RALY: variants seen among roughly 807,000 people sequenced by gnomAD.
The protein encoded by RALY is RALY heterogeneous nuclear ribonucleoprotein.
RALY carries 15 observed loss-of-function variants against 30.7 expected under a neutral mutation model. That is an observed-to-expected ratio of 0.49 (90% CI 0.33 to 0.75). The LOEUF is 0.75. Among genes scored for constraint, RALY ranks in the 30% least tolerant of loss-of-function variants. The pLI, the probability that RALY is intolerant of heterozygous loss-of-function variation, is 0.02. For missense variants in RALY, 339 were observed against 414.3 expected, an observed-to-expected ratio of 0.82 and a Z score of 1.58; for synonymous variants, 177 against 170.8, an observed-to-expected ratio of 1.04 and a Z score of -0.28.
At chr20:34,040,744 A>G (rs2032668870) in intron 2 of RALY, among the ~76,000 whole-genome samples, 1 of 152,230 alleles carries the variant, frequency 6.6e-6, no homozygotes, top group South Asian at 2.1e-4. Flanking sequence ...TAATAGCTCC[A>G]AAGGGGAAAG....
intron 1 of RALY, among the ~76,000 whole-genome samples, chr20:34,014,628 C>T (rs185025726): frequency 6.6e-6 from 1 of 152,186 alleles, no homozygotes; most frequent in East Asian, 1.9e-4. Context: ...TTTTAAAAAG[C>T]AGTCTGATTC....
intron 2 of RALY, among the ~76,000 whole-genome samples, chr20:34,055,692 C>T (rs2033221069): frequency 1.3e-5 from 2 of 152,158 alleles, no homozygotes; most frequent in Admixed American, 1.3e-4. Context: ...GACCCCACTG[C>T]CCAACGGCTC....
Position 34,060,326 on chromosome 20 carries a change from A to T in RALY, c.-9-11740A>T, listed in dbSNP as rs368399875. 7.2e-5 allele frequency among the ~76,000 whole-genome samples: 11 copies of T among 152,366 alleles called. No individual in the cohort carries two copies. The East Asian group carries it at 1.7e-3, about 24-fold the overall frequency. ...GAAACTTTCTGAGTGCCAACATCAC[A>T]TTCAAAGGAAACGCTCATTGGAGCA... On this transcript the variant is annotated intron_variant, in intron 2 of 9. Coordinates refer to ENST00000246194, the MANE Select transcript of RALY (RefSeq NM_016732.3).
intron 2 of RALY, among the ~76,000 whole-genome samples, chr20:34,038,916 A>AT (rs2032598074): frequency 6.6e-6 from 1 of 152,206 alleles, no homozygotes; most frequent in South Asian, 2.1e-4. Flanking sequence ...TGAGTGTCAG[A>AT]TTGAAGTAGG....
chr20:34,003,838 A>T (rs1039596044), intron 1 of RALY, among the ~76,000 whole-genome samples: 1 of 151,716 alleles, frequency 6.6e-6, no homozygotes, highest in South Asian at 2.1e-4. Context: ...ACAGGGTTTC[A>T]CCGTTTTAGC....
chr20:34,063,609 G>A (rs1424309837), intron 2 of RALY, among the ~76,000 whole-genome samples: 1 of 152,010 alleles, frequency 6.6e-6, no homozygotes, highest in Non-Finnish European at 1.5e-5. Context: ...TTCCCTTTTT[G>A]TTCTCCCTCA....
chr20:34,054,091 A>G (rs1032823030), intron 2 of RALY, among the ~76,000 whole-genome samples: 3 of 152,218 alleles, frequency 2.0e-5, no homozygotes, highest in East Asian at 1.9e-4. Context: ...ATCTCCTTCT[A>G]TTCTGCTGAT....
At chr20:34,046,924 A>C (rs918127622) in intron 2 of RALY, among the ~76,000 whole-genome samples, 1 of 149,658 alleles carries the variant, frequency 6.7e-6, no homozygotes, top group Non-Finnish European at 1.5e-5. Context: ...GGTTGAAGCA[A>C]TTCTCCTGCC....
At chr20:34,047,602 C>T (rs1384276198) in intron 2 of RALY, among the ~76,000 whole-genome samples, 2 of 152,182 alleles carry the variant, frequency 1.3e-5, no homozygotes, top group African/African-American at 4.8e-5. Context: ...CTTTAGTCTT[C>T]GGAGTCGCAC....
At chr20:34,036,139 TA>T (rs200691795) in intron 2 of RALY, among the ~76,000 whole-genome samples, 309 of 144,342 alleles carry the variant, frequency 2.1e-3, no homozygotes, top group East Asian at 0.012. Context: ...TGACATCCAT[TA>T]AAAAAAAAAA....
At chr20:34,030,064 A>G (rs906862746) in intron 1 of RALY, 1 of 152,326 alleles carries the variant, frequency 6.6e-6, no homozygotes, top group African/African-American at 2.4e-5. Flanking sequence ...CCTGGACTGC[A>G]AGTATATGGA....
chr20:34,024,451 G>T (rs113431859), intron 1 of RALY, among the ~76,000 whole-genome samples: 2 of 152,346 alleles, frequency 1.3e-5, no homozygotes, highest in African/African-American at 4.8e-5. Context: ...GAGAAATGCT[G>T]TTAGCTGCCC....
chr20:34,037,491 T>C (rs2032540446), intron 2 of RALY, among the ~76,000 whole-genome samples: 1 of 152,210 alleles, frequency 6.6e-6, no homozygotes, highest in African/African-American at 2.4e-5. Context: ...ACTGAAATTC[T>C]AAGCAGAGAT....
At chr20:34,020,996 C>T (rs1416479354) in intron 1 of RALY, among the ~76,000 whole-genome samples, 1 of 151,766 alleles carries the variant, frequency 6.6e-6, no homozygotes, top group Non-Finnish European at 1.5e-5. Flanking sequence ...GAGTCTCACT[C>T]AGTCACCCAG....
At chr20:33,994,330 TC>T in intron 1 of RALY, 199 bp downstream of exon 1, 1 of 152,836 alleles carries the variant, frequency 6.5e-6, no homozygotes, top group Non-Finnish European at 1.5e-5. Flanking sequence ...CCGCCCCGGG[TC>T]CCCGGCCCCA....
intron 8 of RALY, 65 bp from the exon 9 acceptor site, chr20:34,078,440 G>A: frequency 7.0e-7 from 1 of 1,423,614 alleles, no homozygotes; most frequent in Non-Finnish European, 9.4e-7. Context: ...TGGACAAATG[G>A]CTCAGGGCAG....
intron 1 of RALY, among the ~76,000 whole-genome samples, chr20:34,014,122 ACATGC>A (rs1186387418): frequency 4.8e-4 from 73 of 152,298 alleles, no homozygotes; most frequent in African/African-American, 1.5e-3. Flanking sequence ...TGCATGCTGG[ACATGC>A]CTCAGAACAC....
chr20:34,024,331 A>G (rs137868707), intron 1 of RALY, among the ~76,000 whole-genome samples: 4 of 152,302 alleles, frequency 2.6e-5, no homozygotes, highest in Admixed American at 6.5e-5. Flanking sequence ...TCTCATTAGC[A>G]TGGAGAAAAG....
intron 2 of RALY, among the ~76,000 whole-genome samples, chr20:34,066,897 A>G (rs1013905789): frequency 2.0e-5 from 3 of 152,160 alleles, no homozygotes; most frequent in Non-Finnish European, 4.4e-5. Context: ...ACTGTGAGGA[A>G]TTGTAGTAGA....
Sources: gnomAD v4.1 joint callset for allele counts (sites outside exome capture counted in the v4.1 genomes callset) on GRCh38, gnomAD v4.1.1 for gene constraint, MANE v1.5 for transcripts, NCBI Gene and HGNC (gene_info 2026-07-23, HGNC 2026-07-21) for gene names.